OOSP4B: variants seen among roughly 807,000 people sequenced by gnomAD.
OOSP4B encodes oocyte secreted protein family member 4B.
chr11:60,025,422 G>A (rs1486466562), intron 3 of OOSP4B, among the ~76,000 whole-genome samples: 1 of 152,188 alleles, frequency 6.6e-6, no homozygotes, highest in Non-Finnish European at 1.5e-5. Flanking sequence ...AAACCCTATT[G>A]ACATGAGTAA....
At chr11:60,027,799 G>T (rs554396844) in intron 3 of OOSP4B, among the ~76,000 whole-genome samples, 7 of 151,776 alleles carry the variant, frequency 4.6e-5, no homozygotes, top group Admixed American at 3.9e-4. Context: ...AATTAGCCAG[G>T]CCTGGTGGCA....
intron 1 of OOSP4B, chr11:60,021,451 C>T (rs1854689698): frequency 6.6e-6 from 1 of 152,120 alleles, no homozygotes; most frequent in South Asian, 2.1e-4. Flanking sequence ...CTTTTTCACT[C>T]CTACCTCTCC....
At chr11:60,023,968 C>T (rs551200176) in exon 2 of OOSP4B, 132 of 398,552 alleles carry the variant, frequency 3.3e-4, no homozygotes, top group African/African-American at 2.6e-3. Context: ...GAATTGGCGA[C>T]ATACACCTGA....
At chr11:60,026,282 T>C (rs1854745895) in intron 3 of OOSP4B, among the ~76,000 whole-genome samples, 1 of 152,224 alleles carries the variant, frequency 6.6e-6, no homozygotes, top group South Asian at 2.1e-4. Flanking sequence ...TATATTTGGG[T>C]TTATAATCCA....
chr11:60,025,855 C>T (rs974973695), intron 3 of OOSP4B, among the ~76,000 whole-genome samples: 5 of 152,072 alleles, frequency 3.3e-5, no homozygotes, highest in Non-Finnish European at 4.4e-5. Context: ...GGCACTAATA[C>T]GAGGAATGTA....
intron 3 of OOSP4B, among the ~76,000 whole-genome samples, chr11:60,027,850 G>A (rs746400305): frequency 7.3e-5 from 11 of 151,378 alleles, no homozygotes; most frequent in Non-Finnish European, 1.2e-4. Flanking sequence ...TGAGGCAGGA[G>A]AATCGCTTGA....
intron 1 of OOSP4B, chr11:60,022,458 A>C (rs993570980): frequency 6.6e-6 from 1 of 151,936 alleles, no homozygotes; most frequent in Non-Finnish European, 1.5e-5. Context: ...GGTTTCTCAA[A>C]ATTCTAAATG....
At chr11:60,024,146 A>C (rs1453987358) in intron 2 of OOSP4B, 85 bp downstream of exon 2, 1 of 397,548 alleles carries the variant, frequency 2.5e-6, no homozygotes, top group African/African-American at 2.1e-5. Flanking sequence ...TTCCTAATTA[A>C]AATTTTCAAG....
chr11:60,021,836 T>A (rs570618990), intron 1 of OOSP4B, among the ~76,000 whole-genome samples: 2 of 152,036 alleles, frequency 1.3e-5, no homozygotes, highest in South Asian at 4.2e-4. Context: ...ATACAAAAAG[T>A]AGCTGGGTGT....
intron 2 of OOSP4B, among the ~76,000 whole-genome samples, 159 bp downstream of exon 2, chr11:60,024,220 G>A (rs1854722694): frequency 6.6e-6 from 1 of 152,004 alleles, no homozygotes; most frequent in South Asian, 2.1e-4. Flanking sequence ...TACTTAATTG[G>A]GACATTTCAG....
chr11:60,028,192 G>A (rs1484200296), intron 3 of OOSP4B, among the ~76,000 whole-genome samples: 4 of 149,982 alleles, frequency 2.7e-5, no homozygotes, highest in African/African-American at 9.8e-5. Context: ...TTGAGACGGC[G>A]TCTCACTCTG....
At chr11:60,021,223 C>G (rs186202998) in intron 1 of OOSP4B, among the ~76,000 whole-genome samples, 1 of 152,062 alleles carries the variant, frequency 6.6e-6, no homozygotes. Context: ...AAATGCAAAC[C>G]GAGTCAATAG....
Position 60,024,039 on chromosome 11 carries a change from C to T in OOSP4B, c.182C>T (p.Thr61Ile), listed in dbSNP as rs533565801. 1.2e-4 allele frequency: 46 copies of T among 398,570 alleles called. No individual in the cohort carries two copies. In the East Asian group the frequency reaches 1.6e-3, roughly 14 times the overall value. 24.7% of individuals were successfully genotyped at this position (398,570 alleles called of 1,614,324 possible). A position where few individuals can be genotyped will look rare whatever the true frequency, so the allele number is the denominator to read the frequency against. ...AACTACGCGTTTTCTTATCCTGTCA[C>T]TTCTTGTGGGATCAAGAAAATTGTA... The change falls in exon 2 of 5, where the codon ACT becomes ATT. Residue 61 changes from threonine to isoleucine, a missense_variant. Transcript: ENST00000642343.
intron 3 of OOSP4B, among the ~76,000 whole-genome samples, chr11:60,028,066 A>G (rs1425171678): frequency 4.0e-5 from 6 of 151,290 alleles, no homozygotes; most frequent in Non-Finnish European, 8.8e-5. Context: ...CCTACTTCTG[A>G]TTCCTGAGAT....
chr11:60,023,467 C>T (rs1007005391), intron 1 of OOSP4B, among the ~76,000 whole-genome samples: 11 of 152,100 alleles, frequency 7.2e-5, no homozygotes, highest in African/African-American at 2.7e-4. Flanking sequence ...GGGGGTCTCA[C>T]TCTGTTGCCC....
intron 1 of OOSP4B, among the ~76,000 whole-genome samples, chr11:60,022,972 TTGG>T (rs1854709409): frequency 6.6e-6 from 1 of 152,212 alleles, no homozygotes; most frequent in Non-Finnish European, 1.5e-5. Flanking sequence ...ATGGAAGGAA[TTGG>T]TGGTGGTAGT....
intron 1 of OOSP4B, among the ~76,000 whole-genome samples, chr11:60,021,035 T>C (rs905461367): frequency 6.6e-6 from 1 of 152,224 alleles, no homozygotes; most frequent in Admixed American, 6.5e-5. Flanking sequence ...CTGGAAAGTA[T>C]TAGTTATATA....
At chr11:60,025,143 A>G in intron 3 of OOSP4B, 138 bp downstream of exon 3, 1 of 391,734 alleles carries the variant, frequency 2.6e-6, no homozygotes, top group Non-Finnish European at 4.5e-6. Flanking sequence ...AACTCTAAGG[A>G]AAATGTTCAA....
intron 1 of OOSP4B, among the ~76,000 whole-genome samples, chr11:60,020,325 G>A (rs1222683814): frequency 6.6e-6 from 1 of 152,180 alleles, no homozygotes; most frequent in African/African-American, 2.4e-5. Context: ...GCTTGTTGGG[G>A]AGGCTCCTGC....
Sources: gnomAD v4.1 joint callset for allele counts (sites outside exome capture counted in the v4.1 genomes callset) on GRCh38, gnomAD v4.1.1 for gene constraint, MANE v1.5 for transcripts, NCBI Gene and HGNC (gene_info 2026-07-23, HGNC 2026-07-21) for gene names.